The following KCNIP4 variants were observed in gnomAD, a reference collection of about 807,000 sequenced individuals.
KCNIP4 encodes potassium voltage-gated channel interacting protein 4, also known as Kv channel-interacting protein 4.
Under a neutral mutation model 34.0 loss-of-function variants are expected in KCNIP4, and 12 were observed. The ratio of observed to expected loss-of-function variants is 0.35; its 90% CI spans 0.23 to 0.57. KCNIP4 has a LOEUF of 0.57. KCNIP4 is among the 20% of genes least tolerant of loss of function. The pLI, the probability that KCNIP4 is intolerant of heterozygous loss-of-function variation, is 0.83. For missense variants in KCNIP4, 238 were observed against 311.7 expected, an observed-to-expected ratio of 0.76 and a Z score of 1.78; for synonymous variants, 124 against 102.2, an observed-to-expected ratio of 1.21 and a Z score of -1.29.
At chr4:21,492,816 C>A (rs1486519639) in intron 1 of KCNIP4, among the ~76,000 whole-genome samples, 4 of 152,156 alleles carry the variant, frequency 2.6e-5, no homozygotes, top group African/African-American at 9.7e-5. Flanking sequence ...TTGCATGAAG[C>A]CATGAAATAC....
chr4:20,824,271 T>G (rs1190170055), intron 3 of KCNIP4, among the ~76,000 whole-genome samples: 1 of 152,234 alleles, frequency 6.6e-6, no homozygotes, highest in Non-Finnish European at 1.5e-5. Flanking sequence ...GGCAAAATTA[T>G]TTTTGTTATA....
chr4:21,196,559 G>T (rs745571587), intron 1 of KCNIP4, among the ~76,000 whole-genome samples: 1 of 152,032 alleles, frequency 6.6e-6, no homozygotes, highest in African/African-American at 2.4e-5. Flanking sequence ...TGGCTTCATG[G>T]GTGTGCAACC....
chr4:20,911,393 A>G (rs1393180843), intron 1 of KCNIP4, among the ~76,000 whole-genome samples: 1 of 152,218 alleles, frequency 6.6e-6, no homozygotes, highest in African/African-American at 2.4e-5. Context: ...CAAATTTTAT[A>G]TAACAGAAGG....
At chr4:21,168,352 T>C (rs1038147789) in intron 1 of KCNIP4, among the ~76,000 whole-genome samples, 3 of 152,136 alleles carry the variant, frequency 2.0e-5, no homozygotes, top group Non-Finnish European at 2.9e-5. Flanking sequence ...ATGAAGATTG[T>C]TTAGCTCTAT....
At chr4:21,532,989 T>A (rs1577544520) in intron 1 of KCNIP4, among the ~76,000 whole-genome samples, 1 of 138,452 alleles carries the variant, frequency 7.2e-6, no homozygotes, top group Non-Finnish European at 1.5e-5. Flanking sequence ...TACATATGTG[T>A]GAGTGTGTAT....
intron 3 of KCNIP4, among the ~76,000 whole-genome samples, chr4:20,784,321 G>T (rs918161527): frequency 6.6e-6 from 1 of 152,176 alleles, no homozygotes; most frequent in Non-Finnish European, 1.5e-5. Context: ...AACAAGAGGA[G>T]AGGCCACTTT....
chr4:21,903,129 G>A (rs997554531), intron 1 of KCNIP4, among the ~76,000 whole-genome samples: 9 of 152,108 alleles, frequency 5.9e-5, no homozygotes, highest in East Asian at 3.9e-4. Context: ...ATGAAATTCA[G>A]TGTCTCTAAT....
At chr4:20,738,803 A>G (rs7660187) in intron 5 of KCNIP4, among the ~76,000 whole-genome samples, 76,132 of 151,954 alleles carry the variant, frequency 0.5, 19,603 homozygotes, top group African/African-American at 0.58. Context: ...CGCCTCACCC[A>G]GGAAGCGCAA....
chr4:21,004,915 T>A (rs1738429223), intron 1 of KCNIP4, among the ~76,000 whole-genome samples: 1 of 151,766 alleles, frequency 6.6e-6, no homozygotes. Context: ...AAGCATGACA[T>A]ATAAACATAT....
intron 2 of KCNIP4, among the ~76,000 whole-genome samples, chr4:20,871,508 G>A (rs180755465): frequency 6.6e-6 from 1 of 151,942 alleles, no homozygotes; most frequent in East Asian, 1.9e-4. Flanking sequence ...GGACTCCAGA[G>A]TAGGAAAGCC....
intron 1 of KCNIP4, among the ~76,000 whole-genome samples, chr4:21,796,939 T>C (rs756757175): frequency 5.9e-5 from 9 of 152,202 alleles, no homozygotes. Flanking sequence ...TCCCTTTATA[T>C]TGAACGCTTC....
intron 1 of KCNIP4, among the ~76,000 whole-genome samples, chr4:21,071,866 C>A (rs951941176): frequency 6.6e-6 from 1 of 152,104 alleles, no homozygotes; most frequent in African/African-American, 2.4e-5. Flanking sequence ...TTGTTCAATT[C>A]CCATCTATGA....
At chr4:21,306,233 AT>A (rs1256490776) in intron 1 of KCNIP4, among the ~76,000 whole-genome samples, 1 of 152,192 alleles carries the variant, frequency 6.6e-6, no homozygotes, top group Non-Finnish European at 1.5e-5. Context: ...TCAAATTCTG[AT>A]GTGTTTAATG....
chr4:20,883,235 A>C (rs899163756), intron 1 of KCNIP4, among the ~76,000 whole-genome samples: 1 of 152,170 alleles, frequency 6.6e-6, no homozygotes. Flanking sequence ...GAGAAAATAA[A>C]TGTCCTTAAT....
At chr4:20,747,654 C>T (rs1019339303) in intron 5 of KCNIP4, among the ~76,000 whole-genome samples, 1 of 152,210 alleles carries the variant, frequency 6.6e-6, no homozygotes, top group South Asian at 2.1e-4. Context: ...TCTCCACTCT[C>T]AGCTTTTATT....
intron 3 of KCNIP4, among the ~76,000 whole-genome samples, chr4:20,776,529 C>A (rs1268196959): frequency 6.6e-6 from 1 of 152,084 alleles, no homozygotes; most frequent in Non-Finnish European, 1.5e-5. Flanking sequence ...ACTTACAATG[C>A]TCATATGAAA....
intron 3 of KCNIP4, among the ~76,000 whole-genome samples, chr4:20,847,005 T>C (rs1346274120): frequency 6.6e-6 from 1 of 152,162 alleles, no homozygotes; most frequent in Non-Finnish European, 1.5e-5. Flanking sequence ...GATAATAGTT[T>C]GCATTTTCTG....
At chr4:21,638,768 C>G in intron 1 of KCNIP4, among the ~76,000 whole-genome samples, 1 of 152,110 alleles carries the variant, frequency 6.6e-6, no homozygotes, top group Non-Finnish European at 1.5e-5. Flanking sequence ...TGCTATAGAC[C>G]TGAATGCATG....
intron 1 of KCNIP4, among the ~76,000 whole-genome samples, chr4:20,971,553 G>A (rs927097031): frequency 1.3e-5 from 2 of 151,918 alleles, no homozygotes; most frequent in African/African-American, 2.4e-5. Flanking sequence ...ATAGCATTAT[G>A]TCTAAAAAAC....
Sources: gnomAD v4.1 joint callset for allele counts (sites outside exome capture counted in the v4.1 genomes callset) on GRCh38, gnomAD v4.1.1 for gene constraint, MANE v1.5 for transcripts, NCBI Gene and HGNC (gene_info 2026-07-23, HGNC 2026-07-21) for gene names.